Variants in CEP112 observed in about 807,000 individuals in gnomAD.
The protein encoded by CEP112 is centrosomal protein of 112 kDa.
CEP112 carries 127 observed loss-of-function variants against 153.0 expected under a neutral mutation model. That is an observed-to-expected ratio of 0.83 (90% CI 0.72 to 0.96). The LOEUF is 0.96. Among genes scored for constraint, CEP112 ranks in the 40% least tolerant of loss-of-function variants. The probability of loss-of-function intolerance (pLI) is 0.00; values close to 1 mark genes in which losing one functional copy is unlikely to be tolerated. For missense variants in CEP112, 1,089 were observed against 1,101.2 expected, an observed-to-expected ratio of 0.99 and a Z score of 0.16; for synonymous variants, 358 against 374.4, an observed-to-expected ratio of 0.96 and a Z score of 0.51.
intron 17 of CEP112, among the ~76,000 whole-genome samples, chr17:65,990,004 C>A (rs1280181387): frequency 2.6e-5 from 4 of 151,872 alleles, no homozygotes; most frequent in African/African-American, 4.8e-5. Flanking sequence ...CTCATAGTAA[C>A]CACAATGCAA....
intron 6 of CEP112, among the ~76,000 whole-genome samples, chr17:66,102,730 A>G (rs921013781): frequency 2.7e-5 from 4 of 150,194 alleles, no homozygotes; most frequent in Admixed American, 6.6e-5. Context: ...CCTGGGAGGC[A>G]GAGCTTGCAC....
chr17:65,743,110 A>G lies in CEP112; in HGVS notation c.2565T>C (p.Asp855=), dbSNP rs1168463333. ...RLQDVRQKFE[D]EKKQLIRDND... ...TATCTCTAATCAGCTGCTTCTTCTCATCTTCAAACTTTTGTCTAACATCCT... is the reference window on the plus strand; with the variant it reads ...TATCTCTAATCAGCTGCTTCTTCTCGTCTTCAAACTTTTGTCTAACATCCT... The change falls in exon 23 of 27, where the codon GAT becomes GAC. Residue 855 remains aspartate (D), a synonymous_variant. Transcript: ENST00000535342. 3 of 1,612,254 alleles carry G rather than the reference A, an allele frequency of 1.9e-6. No homozygotes were observed. Among genetic ancestry groups the G allele is most frequent in the South Asian group, 2.2e-5 (2 of 90,584 alleles).
intron 20 of CEP112, among the ~76,000 whole-genome samples, chr17:65,862,471 C>T (rs1308341621): frequency 6.6e-6 from 1 of 152,024 alleles, no homozygotes; most frequent in East Asian, 1.9e-4. Flanking sequence ...ACCTGTAGTC[C>T]CAGCTACTCA....
intron 24 of CEP112, chr17:65,654,863 A>G (rs1273031157): frequency 8.7e-6 from 4 of 457,838 alleles, no homozygotes; most frequent in Non-Finnish European, 1.7e-5. Flanking sequence ...AATTCTGAAT[A>G]AGATTGAGGT....
chr17:66,150,469 G>T (rs914154439), intron 4 of CEP112, among the ~76,000 whole-genome samples: 1 of 152,068 alleles, frequency 6.6e-6, no homozygotes, highest in Admixed American at 6.5e-5. Context: ...GACCTCAAGC[G>T]ATCTGCCTGC....
intron 16 of CEP112, among the ~76,000 whole-genome samples, chr17:66,011,460 A>C (rs2064524366): frequency 6.6e-6 from 1 of 152,146 alleles, no homozygotes; most frequent in Non-Finnish European, 1.5e-5. Flanking sequence ...ATTTCTGCCT[A>C]AATTGCATTA....
At chr17:65,860,084 A>G (rs2058264784) in intron 20 of CEP112, among the ~76,000 whole-genome samples, 1 of 151,938 alleles carries the variant, frequency 6.6e-6, no homozygotes, top group Non-Finnish European at 1.5e-5. Flanking sequence ...AAAAATGAAA[A>G]TGAATGTACA....
chr17:66,164,494 T>G (rs555105966), intron 4 of CEP112, among the ~76,000 whole-genome samples: 6 of 145,088 alleles, frequency 4.1e-5, no homozygotes, highest in African/African-American at 1.5e-4. Context: ...GAGGCAGAGG[T>G]TGCAGTGAGG....
At chr17:66,081,593 T>C (rs1039652457) in intron 8 of CEP112, among the ~76,000 whole-genome samples, 1 of 149,924 alleles carries the variant, frequency 6.7e-6, no homozygotes, top group African/African-American at 2.5e-5. Context: ...AAATTATATA[T>C]TTGACTAGCA....
chr17:65,681,132 G>C (rs2047502105), intron 24 of CEP112, among the ~76,000 whole-genome samples: 2 of 152,200 alleles, frequency 1.3e-5, no homozygotes, highest in South Asian at 4.1e-4. Context: ...GGAAAGCAAA[G>C]GCCTTACAGA....
intron 23 of CEP112, among the ~76,000 whole-genome samples, chr17:65,720,056 TG>T (rs2049777686): frequency 6.6e-6 from 1 of 152,050 alleles, no homozygotes; most frequent in African/African-American, 2.4e-5. Context: ...CTCAGAGGGC[TG>T]GGTGATGGAC....
intron 24 of CEP112, among the ~76,000 whole-genome samples, chr17:65,643,998 A>T (rs1417190357): frequency 6.6e-6 from 1 of 152,022 alleles, no homozygotes; most frequent in Non-Finnish European, 1.5e-5. Flanking sequence ...CAGGAATGGG[A>T]GCTGCCCTCC....
intron 21 of CEP112, among the ~76,000 whole-genome samples, chr17:65,844,836 A>G (rs970310743): frequency 2.6e-5 from 4 of 152,000 alleles, no homozygotes; most frequent in Admixed American, 2.6e-4. Context: ...CAACATGATG[A>G]AACCCCGTCT....
chr17:66,117,503 C>G (rs1177023294), intron 6 of CEP112, among the ~76,000 whole-genome samples: 2 of 152,150 alleles, frequency 1.3e-5, no homozygotes, highest in Admixed American at 6.5e-5. Flanking sequence ...AATTTAAATT[C>G]CCTCTATGCC....
At position 66,192,034 on chromosome 17, in the gene CEP112, G is replaced by A; in HGVS notation, c.-46C>T. On this transcript the variant is annotated 5_prime_UTR_variant, in exon 1 of 27. Transcript: ENST00000535342. The stretch of plus-strand genomic sequence containing the variant: ...CACGCAAGCTTTCCGCTCGGCCGCT[G>A]CCGCCAACGCCGCCGCCACCGCCGC... 1 of 154,190 alleles carries A rather than the reference G, an allele frequency of 6.5e-6. No homozygotes were observed. The highest frequency in any genetic ancestry group is 1.5e-5 in the Non-Finnish European group (1 of 68,954). The allele number at this position is 154,190 out of a possible 1,614,324, so 9.6% of individuals were successfully genotyped here.
intron 17 of CEP112, among the ~76,000 whole-genome samples, chr17:65,970,256 G>A (rs1187749432): frequency 6.6e-6 from 1 of 151,812 alleles, no homozygotes; most frequent in Non-Finnish European, 1.5e-5. Flanking sequence ...CATGCATGTT[G>A]CACACATATT....
intron 24 of CEP112, among the ~76,000 whole-genome samples, chr17:65,646,880 A>G (rs1307339983): frequency 6.6e-6 from 1 of 152,204 alleles, no homozygotes; most frequent in Non-Finnish European, 1.5e-5. Context: ...ATCTTTTTAA[A>G]AATGTGACAA....
chr17:65,806,049 C>A (rs2055578793), intron 21 of CEP112, among the ~76,000 whole-genome samples: 1 of 152,144 alleles, frequency 6.6e-6, no homozygotes, highest in African/African-American at 2.4e-5. Flanking sequence ...TGTGTCAATA[C>A]TACTGTTTGG....
At chr17:66,140,145 T>A (rs1465252449) in intron 4 of CEP112, among the ~76,000 whole-genome samples, 1 of 152,196 alleles carries the variant, frequency 6.6e-6, no homozygotes, top group Admixed American at 6.5e-5. Context: ...ATAAATGCGA[T>A]ACCCCACATT....
Sources: allele counts gnomAD v4.1 joint callset (sites outside exome capture counted in the v4.1 genomes callset), GRCh38; gene constraint gnomAD v4.1.1; transcripts MANE v1.5; gene names NCBI Gene and HGNC (gene_info 2026-07-23, HGNC 2026-07-21).